Variants in SNRPN observed in about 807,000 individuals in gnomAD.
SNRPN encodes the protein small nuclear ribonucleoprotein polypeptide N.
A neutral mutation model predicts 25.2 loss-of-function variants in SNRPN; 7 were observed. The ratio of observed to expected loss-of-function variants is 0.28; its 90% CI spans 0.16 to 0.52. The LOEUF (loss-of-function observed/expected upper bound fraction) is 0.52, where lower values mean the gene tolerates loss of function less well. Among genes scored for constraint, SNRPN ranks in the 20% least tolerant of loss-of-function variants. SNRPN has a pLI of 0.96. For missense variants in SNRPN, 196 were observed against 322.5 expected, an observed-to-expected ratio of 0.61 and a Z score of 3.00; for synonymous variants, 124 against 110.6, an observed-to-expected ratio of 1.12 and a Z score of -0.76.
chr15:24,910,857 G>C, intron 2 of SNRPN: 2 of 585,464 alleles, frequency 3.4e-6, no homozygotes, highest in Non-Finnish European at 6.0e-6. Context: ...CACTCATCTT[G>C]ATTCAGGGTG....
intron 3 of SNRPN, among the ~76,000 whole-genome samples, chr15:24,945,915 G>C (rs1566939443): frequency 6.6e-6 from 1 of 152,134 alleles, no homozygotes; most frequent in Non-Finnish European, 1.5e-5. Context: ...TAGGCAAAAG[G>C]CTGGAACATG....
At chr15:24,859,691 A>G (rs1566834296) in intron 1 of SNRPN, among the ~76,000 whole-genome samples, 1 of 152,202 alleles carries the variant, frequency 6.6e-6, no homozygotes, top group Non-Finnish European at 1.5e-5. Context: ...TTACTAAGAA[A>G]GTAAAGCAGA....
intron 4 of SNRPN, 44 bp from the exon 5 acceptor site, chr15:24,975,314 G>A: frequency 1.3e-6 from 2 of 1,549,054 alleles, no homozygotes; most frequent in Non-Finnish European, 1.8e-6. Flanking sequence ...TAGAAGACTA[G>A]GGTGTTGGCA....
intron 2 of SNRPN, among the ~76,000 whole-genome samples, chr15:24,898,226 A>T (rs985775110): frequency 3.1e-4 from 47 of 152,216 alleles, no homozygotes; most frequent in African/African-American, 8.4e-4. Flanking sequence ...CAAGCTTTTT[A>T]AAAAAAATAG....
At chr15:24,878,347 C>G (rs1429757850) in intron 1 of SNRPN, among the ~76,000 whole-genome samples, 3 of 152,168 alleles carry the variant, frequency 2.0e-5, no homozygotes, top group Non-Finnish European at 4.4e-5. Flanking sequence ...GAGCGGCCGA[C>G]AAACCCGCAG....
intron 2 of SNRPN, among the ~76,000 whole-genome samples, chr15:24,841,078 A>T (rs759724995): frequency 1.4e-4 from 21 of 152,006 alleles, no homozygotes; most frequent in Non-Finnish European, 2.4e-4. Flanking sequence ...TGACCTCGTG[A>T]TTCACCCACT....
In SNRPN at chr15:24,934,710, C is replaced by T. The variant is rs146857567; in HGVS notation, c.-391+14586C>T. On this transcript the variant is annotated intron_variant, in intron 3 of 11. Coordinates refer to the SNRPN transcript ENST00000400097. ...AGCTGGAAGCAGAGGCGTGTGCCTC[C>T]GCTCCCAGCTAATCTTTTGTATTTT... 8.9e-3 allele frequency among the ~76,000 whole-genome samples: 1,356 copies of T among 152,264 alleles called. 20 individuals carry two copies. Among genetic ancestry groups the T allele is most frequent in the African/African-American group, 0.03 (1,257 of 41,568 alleles).
intron 3 of SNRPN, among the ~76,000 whole-genome samples, chr15:24,949,510 G>T (rs1427833856): frequency 6.6e-6 from 1 of 152,034 alleles, no homozygotes; most frequent in African/African-American, 2.4e-5. Flanking sequence ...AATTACCTGG[G>T]CATGGTGGTG....
chr15:24,881,059 T>C (rs1483832186), intron 1 of SNRPN, among the ~76,000 whole-genome samples: 2 of 152,148 alleles, frequency 1.3e-5, no homozygotes, highest in East Asian at 3.9e-4. Context: ...CATTTCACTT[T>C]TATGAACTAA....
chr15:24,845,732 C>G (rs2052137032), intron 2 of SNRPN, among the ~76,000 whole-genome samples: 1 of 151,520 alleles, frequency 6.6e-6, no homozygotes, highest in Admixed American at 6.6e-5. Context: ...TTCTCAGTTT[C>G]TAAAAAAAAT....
intron 1 of SNRPN, among the ~76,000 whole-genome samples, chr15:24,873,663 G>T (rs2055480235): frequency 6.6e-6 from 1 of 151,882 alleles, no homozygotes. Context: ...TAGCCAGGAT[G>T]GTCTCGATCT....
At chr15:24,941,480 G>T (rs550648604) in intron 3 of SNRPN, among the ~76,000 whole-genome samples, 1 of 152,132 alleles carries the variant, frequency 6.6e-6, no homozygotes, top group East Asian at 1.9e-4. Flanking sequence ...TTATCTGGTG[G>T]GGTGACCCAA....
At chr15:24,931,658 G>A (rs1283790285) in intron 3 of SNRPN, among the ~76,000 whole-genome samples, 1 of 151,700 alleles carries the variant, frequency 6.6e-6, no homozygotes, top group African/African-American at 2.4e-5. Context: ...GGGCAACATC[G>A]TGAAACACTG....
chr15:24,938,809 A>G (rs1264089229), intron 3 of SNRPN, among the ~76,000 whole-genome samples: 2 of 152,158 alleles, frequency 1.3e-5, no homozygotes, highest in Admixed American at 6.5e-5. Flanking sequence ...GTCTCTAGTG[A>G]CTTGGTTTGT....
chr15:24,977,107 G>C, intron 7 of SNRPN, 78 bp downstream of exon 7: 4 of 1,183,636 alleles, frequency 3.4e-6, no homozygotes, highest in Non-Finnish European at 4.7e-6. Flanking sequence ...AAAAACCTAA[G>C]TGTATGTGTC....
chr15:24,971,103 T>C (rs1261188406), intron 3 of SNRPN, among the ~76,000 whole-genome samples: 4 of 152,156 alleles, frequency 2.6e-5, no homozygotes. Context: ...CTTATTTTAC[T>C]TTTGAATTAA....
At chr15:24,877,241 T>C (rs2056001754) in intron 1 of SNRPN, among the ~76,000 whole-genome samples, 1 of 152,186 alleles carries the variant, frequency 6.6e-6, no homozygotes, top group African/African-American at 2.4e-5. Flanking sequence ...AGTTCAATAA[T>C]GAATTCTCCA....
chr15:24,947,924 C>T (rs2061982144), intron 3 of SNRPN, among the ~76,000 whole-genome samples: 1 of 151,540 alleles, frequency 6.6e-6, no homozygotes, highest in African/African-American at 2.4e-5. Context: ...ATATTGATAC[C>T]TCCCATTCTT....
intron 3 of SNRPN, among the ~76,000 whole-genome samples, chr15:24,971,270 G>A (rs1347406033): frequency 6.6e-6 from 1 of 152,132 alleles, no homozygotes; most frequent in African/African-American, 2.4e-5. Flanking sequence ...CATCCTTGCA[G>A]TGTGATGTTG....
Sources: allele counts gnomAD v4.1 joint callset (sites outside exome capture counted in the v4.1 genomes callset), GRCh38; gene constraint gnomAD v4.1.1; transcripts MANE v1.5; gene names NCBI Gene and HGNC (gene_info 2026-07-23, HGNC 2026-07-21).